NBAS: variants seen among roughly 807,000 people sequenced by gnomAD.
The protein encoded by NBAS is NAG/BC035112 fusion.
In NBAS, 219 loss-of-function variants were observed where a neutral mutation model predicts 302.5. That is an observed-to-expected ratio of 0.72 (90% CI 0.65 to 0.81). NBAS has a LOEUF of 0.81. Among genes scored for constraint, NBAS ranks in the 30% least tolerant of loss-of-function variants. NBAS has a pLI of 0.00. For synonymous variants in NBAS, 1,118 were observed against 1,021.6 expected (o/e 1.09, Z -1.80); for missense variants, 2,932 against 2,841.6 (o/e 1.03, Z -0.72).
chr2:14,849,299 C>T, the NBAS span, among the ~76,000 whole-genome samples: 1 of 152,054 alleles, frequency 6.6e-6, no homozygotes, highest in Middle Eastern at 3.4e-3. Flanking sequence ...GCCTCAGGAG[C>T]CAATGCGATC....
the NBAS span, among the ~76,000 whole-genome samples, chr2:14,968,357 A>G: frequency 6.6e-6 from 1 of 152,214 alleles, no homozygotes; most frequent in East Asian, 1.9e-4. Flanking sequence ...CAATAAGGGT[A>G]TGAAGAGATG....
At chr2:15,266,740 C>G (rs1383857923) in intron 44 of NBAS, among the ~76,000 whole-genome samples, 1 of 152,012 alleles carries the variant, frequency 6.6e-6, no homozygotes, top group African/African-American at 2.4e-5. Flanking sequence ...TTCATTCTCT[C>G]TCCTCCTTCC....
At chr2:15,083,043 G>A in the NBAS span, among the ~76,000 whole-genome samples, 13 of 152,326 alleles carry the variant, frequency 8.5e-5, no homozygotes, top group African/African-American at 2.9e-4. Context: ...ATTTGCATGA[G>A]TCTCCCTGTA....
At chr2:15,500,899 G>C (rs985779952) in intron 11 of NBAS, among the ~76,000 whole-genome samples, 24 of 151,542 alleles carry the variant, frequency 1.6e-4, no homozygotes, top group African/African-American at 5.6e-4. Flanking sequence ...ACTCCAGCCT[G>C]GGTGACAGAG....
At chr2:15,388,435 A>G (rs1371546814) in intron 28 of NBAS, among the ~76,000 whole-genome samples, 1 of 152,190 alleles carries the variant, frequency 6.6e-6, no homozygotes, top group Non-Finnish European at 1.5e-5. Context: ...ATGAAATGCT[A>G]CTATATACCC....
At chr2:15,299,181 T>C (rs1447877759) in intron 40 of NBAS, among the ~76,000 whole-genome samples, 1 of 152,162 alleles carries the variant, frequency 6.6e-6, no homozygotes, top group Non-Finnish European at 1.5e-5. Context: ...TATGGCAAAA[T>C]AGCACAGGCT....
intron 9 of NBAS, 110 bp from the exon 10 acceptor site, chr2:15,511,460 AAT>A: frequency 1.1e-6 from 1 of 922,022 alleles, no homozygotes; most frequent in Non-Finnish European, 1.7e-6. Flanking sequence ...AAGTACTATT[AAT>A]ATATGTTAAA....
At chr2:15,246,476 G>A (rs1232220285) in intron 44 of NBAS, among the ~76,000 whole-genome samples, 2 of 152,138 alleles carry the variant, frequency 1.3e-5, no homozygotes, top group Non-Finnish European at 2.9e-5. Flanking sequence ...ATCAACATAC[G>A]GAGAAAACAA....
chr2:14,825,247 AG>A, the NBAS span, among the ~76,000 whole-genome samples: 1 of 152,208 alleles, frequency 6.6e-6, no homozygotes, highest in Non-Finnish European at 1.5e-5. Context: ...GGCCACCTGC[AG>A]GTGCAACTCA....
the NBAS span, among the ~76,000 whole-genome samples, chr2:15,025,050 C>G: frequency 2.1e-4 from 32 of 152,116 alleles, no homozygotes; most frequent in African/African-American, 7.5e-4. Context: ...TTCCAATGTC[C>G]AAAATGGTAT....
the NBAS span, among the ~76,000 whole-genome samples, chr2:15,028,678 T>C: frequency 6.6e-6 from 1 of 152,136 alleles, no homozygotes; most frequent in Non-Finnish European, 1.5e-5. Context: ...TCCAGCTACT[T>C]TGGATCTTCG....
At chr2:15,290,239 T>C (rs1358081045) in intron 41 of NBAS, among the ~76,000 whole-genome samples, 1 of 152,150 alleles carries the variant, frequency 6.6e-6, no homozygotes, top group African/African-American at 2.4e-5. Context: ...CCTTCAAGAA[T>C]TCTTGTGTGC....
intron 38 of NBAS, among the ~76,000 whole-genome samples, chr2:15,315,648 A>C (rs916073583): frequency 1.3e-5 from 2 of 152,320 alleles, no homozygotes; most frequent in Non-Finnish European, 2.9e-5. Flanking sequence ...GAAAAATCCC[A>C]GGCATCAAGT....
At chr2:14,902,425 C>T in the NBAS span, among the ~76,000 whole-genome samples, 4 of 152,312 alleles carry the variant, frequency 2.6e-5, no homozygotes, top group East Asian at 1.9e-4. Context: ...CACCACTGCA[C>T]CTGGCCTAAT....
chr2:15,090,856 G>A, the NBAS span, among the ~76,000 whole-genome samples: 1,710 of 152,230 alleles, frequency 0.011, 49 homozygotes, highest in African/African-American at 0.039. Flanking sequence ...TAAACCGCTT[G>A]ACTTTCAGAA....
chr2:15,231,218 T>C (rs1005271706), intron 47 of NBAS, among the ~76,000 whole-genome samples: 1 of 152,222 alleles, frequency 6.6e-6, no homozygotes, highest in Admixed American at 6.5e-5. Context: ...AATTAGCCAC[T>C]GCTACAGCGA....
intron 21 of NBAS, among the ~76,000 whole-genome samples, chr2:15,430,382 G>A (rs1677701145): frequency 6.6e-6 from 1 of 152,098 alleles, no homozygotes; most frequent in African/African-American, 2.4e-5. Context: ...TGACAATGAT[G>A]ATGATAATAA....
the NBAS span, among the ~76,000 whole-genome samples, chr2:14,975,828 A>G: frequency 9.9e-6 from 1 of 100,608 alleles, no homozygotes; most frequent in East Asian, 2.8e-4. Context: ...TGACTGGTAG[A>G]AAAAAAAAAA....
the NBAS span, among the ~76,000 whole-genome samples, chr2:15,050,924 G>A: frequency 6.6e-6 from 1 of 152,126 alleles, no homozygotes; most frequent in Non-Finnish European, 1.5e-5. Flanking sequence ...CAAGGAAAGG[G>A]GACTGGGGGG....
Sources: allele counts gnomAD v4.1 joint callset (sites outside exome capture counted in the v4.1 genomes callset), GRCh38; gene constraint gnomAD v4.1.1; transcripts MANE v1.5; gene names NCBI Gene and HGNC (gene_info 2026-07-23, HGNC 2026-07-21).